The following NR3C2 variants were observed in gnomAD, a reference collection of about 807,000 sequenced individuals.
NR3C2 encodes the protein nuclear receptor subfamily 3 group C member 2, also known as mineralocorticoid receptor.
Under a neutral mutation model 86.4 loss-of-function variants are expected in NR3C2, and 15 were observed. The ratio of observed to expected loss-of-function variants is 0.17; its 90% confidence interval spans 0.12 to 0.27. The LOEUF is 0.27. Ranked by LOEUF, NR3C2 falls within the 10% of genes least tolerant of loss-of-function variation. NR3C2 has a pLI of 1.00. For missense variants in NR3C2, 960 were observed against 1,195.6 expected, an observed-to-expected ratio of 0.80 and a Z score of 2.91; for synonymous variants, 458 against 450.5, an observed-to-expected ratio of 1.02 and a Z score of -0.21.
intron 4 of NR3C2, among the ~76,000 whole-genome samples, chr4:148,188,879 A>G (rs1473871107): frequency 1.3e-5 from 2 of 150,342 alleles, no homozygotes; most frequent in Non-Finnish European, 2.9e-5. Flanking sequence ...TTCTCACAGA[A>G]GGCTTTTATT....
At position 148,361,142 on chromosome 4, in the gene NR3C2, A is replaced by G. The variant is rs145229237; in HGVS notation, c.1757+73962T>C. 1.6e-4 allele frequency among the ~76,000 whole-genome samples: 25 copies of G among 152,338 alleles called. No homozygotes were observed. In the East Asian group the frequency reaches 4.2e-3, roughly 26 times the overall value. ...AAAACAGTGAAGTGTTTGTTTTCAG[A>G]TAACCTTCCAGCAGAAGTTGAGGAT... On this transcript the variant is annotated intron_variant, in intron 2 of 8. Transcript: ENST00000358102.
At chr4:148,096,444 C>A (rs1731279522) in intron 8 of NR3C2, among the ~76,000 whole-genome samples, 1 of 152,032 alleles carries the variant, frequency 6.6e-6, no homozygotes, top group Non-Finnish European at 1.5e-5. Context: ...GCAGTTAAAT[C>A]CTTACTTCAA....
chr4:148,342,197 G>A (rs751588477), intron 2 of NR3C2, among the ~76,000 whole-genome samples: 5 of 152,046 alleles, frequency 3.3e-5, no homozygotes, highest in Non-Finnish European at 7.4e-5. Context: ...GGGTCACATC[G>A]CCAGAGCTCA....
chr4:148,157,148 A>C (rs188994825), intron 4 of NR3C2, among the ~76,000 whole-genome samples: 2,889 of 104,808 alleles, frequency 0.028, 122 homozygotes, highest in African/African-American at 0.1. Context: ...CACTCTGGGG[A>C]CTGTTGTGGG....
intron 3 of NR3C2, among the ~76,000 whole-genome samples, chr4:148,217,531 T>G (rs1355669175): frequency 6.6e-6 from 1 of 152,194 alleles, no homozygotes. Flanking sequence ...TAATTAAGTC[T>G]TCCCAAAACA....
rs147350195 is a variant in NR3C2 at position 148,365,980 on chromosome 4, C to A, written c.1757+69124G>T. 4.7e-3 allele frequency among the ~76,000 whole-genome samples: 722 copies of A among 152,082 alleles called. 3 individuals are homozygous for A. The highest frequency in any genetic ancestry group is 8.3e-3 in the Non-Finnish European group (563 of 67,994). The stretch of plus-strand genomic sequence containing the variant: ...TATTTCAATGTATAACAAAAGTTAT[C>A]CGTAATATCAAAATCTAAAAATCAA... On this transcript the variant is annotated intron_variant, in intron 2 of 8. Coordinates refer to ENST00000358102, the MANE Select transcript of NR3C2 (RefSeq NM_000901.5).
chr4:148,303,415 G>T (rs1742442222), intron 2 of NR3C2, among the ~76,000 whole-genome samples: 1 of 152,034 alleles, frequency 6.6e-6, no homozygotes, highest in Non-Finnish European at 1.5e-5. Flanking sequence ...TCATCCAGAG[G>T]TTTCCTTTTT....
chr4:148,179,228 GTA>G (rs937345776), intron 4 of NR3C2, among the ~76,000 whole-genome samples: 3 of 151,610 alleles, frequency 2.0e-5, no homozygotes, highest in Admixed American at 6.6e-5. Flanking sequence ...AGAGAACTGT[GTA>G]TTGAGGATGC....
intron 2 of NR3C2, among the ~76,000 whole-genome samples, chr4:148,303,480 T>G (rs948978864): frequency 1.3e-5 from 2 of 152,154 alleles, no homozygotes; most frequent in African/African-American, 2.4e-5. Context: ...ACACAAATCT[T>G]ACCAAGCATA....
intron 2 of NR3C2, among the ~76,000 whole-genome samples, chr4:148,422,884 A>G (rs529621861): frequency 6.6e-6 from 1 of 152,262 alleles, no homozygotes; most frequent in South Asian, 2.1e-4. Flanking sequence ...CTCTTACATT[A>G]GAGCCATAAC....
At chr4:148,101,786 T>G (rs1307987718) in intron 8 of NR3C2, among the ~76,000 whole-genome samples, 1 of 152,162 alleles carries the variant, frequency 6.6e-6, no homozygotes, top group East Asian at 1.9e-4. Context: ...AACTGCTCAC[T>G]TACATACATC....
rs191759119 is a variant in NR3C2, at chr4:148,217,370, C to G, written c.1898-22508G>C. ...CTCTTAGGACATGCACAGGAAAAAT[C>G]TCTCATTTCCCACAGATCCCCACCT... On this transcript the variant is annotated intron_variant, in intron 3 of 8. Coordinates refer to ENST00000358102, the MANE Select transcript of NR3C2 (RefSeq NM_000901.5). Among the ~76,000 whole-genome samples, 202 of 152,282 alleles carry G rather than the reference C, an allele frequency of 1.3e-3. 1 individual carries two copies. Among genetic ancestry groups the G allele is most frequent in the African/African-American group, 4.7e-3 (194 of 41,546 alleles).
intron 8 of NR3C2, among the ~76,000 whole-genome samples, chr4:148,112,136 T>C (rs923487175): frequency 6.6e-6 from 1 of 151,752 alleles, no homozygotes; most frequent in African/African-American, 2.4e-5. Flanking sequence ...AAAAAAAAAC[T>C]AGCAAAGGAG....
chr4:148,194,633 T>C (rs1373898489), intron 4 of NR3C2, 113 bp downstream of exon 4: 1 of 719,324 alleles, frequency 1.4e-6, no homozygotes, highest in Non-Finnish European at 2.5e-6. Context: ...CATCAGATTT[T>C]CAGAAACCTT....
chr4:148,183,752 A>G (rs953833770), intron 4 of NR3C2, among the ~76,000 whole-genome samples: 1 of 152,186 alleles, frequency 6.6e-6, no homozygotes, highest in African/African-American at 2.4e-5. Flanking sequence ...CATGTATTCA[A>G]TCAATAGCCA....
intron 2 of NR3C2, among the ~76,000 whole-genome samples, chr4:148,377,289 C>T (rs188103555): frequency 2.6e-5 from 4 of 152,160 alleles, no homozygotes; most frequent in Non-Finnish European, 5.9e-5. Context: ...ATGTGGCATC[C>T]ACACCTGCAT....
At chr4:148,292,912 T>C (rs978735629) in intron 2 of NR3C2, among the ~76,000 whole-genome samples, 1 of 152,052 alleles carries the variant, frequency 6.6e-6, no homozygotes, top group African/African-American at 2.4e-5. Context: ...AAGCAAACTA[T>C]ACTCAAGGCC....
chr4:148,362,920 C>A (rs1250756067), intron 2 of NR3C2, among the ~76,000 whole-genome samples: 1 of 152,100 alleles, frequency 6.6e-6, no homozygotes, highest in Non-Finnish European at 1.5e-5. Context: ...TTTCTACATG[C>A]CGTTCAAACA....
chr4:148,318,554 T>G (rs953135993), intron 2 of NR3C2, among the ~76,000 whole-genome samples: 5 of 152,122 alleles, frequency 3.3e-5, no homozygotes, highest in African/African-American at 1.2e-4. Context: ...CCTGACTTTT[T>G]AATGATGGCC....
Sources: allele counts gnomAD v4.1 joint callset (sites outside exome capture counted in the v4.1 genomes callset), GRCh38; gene constraint gnomAD v4.1.1; transcripts MANE v1.5; gene names NCBI Gene and HGNC (gene_info 2026-07-23, HGNC 2026-07-21).